Variants in FBXO42 observed in about 807,000 individuals in gnomAD.
The protein encoded by FBXO42 is F-box only protein 42.
A neutral mutation model predicts 71.7 loss-of-function variants in FBXO42; 12 were observed. That is an observed-to-expected ratio of 0.17 (90% CI 0.11 to 0.27). The LOEUF is 0.27. FBXO42 is among the 10% of genes least tolerant of loss of function. FBXO42 has a pLI of 1.00. For missense variants in FBXO42, 707 were observed against 911.9 expected (o/e 0.78, Z 2.89); for synonymous variants, 325 against 327.5 (o/e 0.99, Z 0.08).
rs1445591991 is a variant in FBXO42, at chr1:16,256,716, G to A, written c.546C>T (p.Tyr182=). The A allele has an allele frequency of 1.2e-6, 2 of 1,614,062 alleles. No individual in the cohort carries two copies. Among genetic ancestry groups the A allele is most frequent in the African/African-American group, 1.3e-5 (1 of 74,918 alleles). The part of the protein sequence containing the change: ...SPKAGATLVV[Y]KDLLVLFGGW... The stretch of plus-strand genomic sequence containing the variant: ...CACCAAACAGCACTAGCAAGTCCTT[G>A]TACACGACCAGAGTTGCTCCAGCTT... The change falls in exon 5 of 10, where the codon TAC becomes TAT. Residue 182 remains tyrosine (Y), a synonymous_variant. Transcript: ENST00000375592.
chr1:16,277,156 A>G (rs2081912375), intron 4 of FBXO42, among the ~76,000 whole-genome samples: 1 of 152,244 alleles, frequency 6.6e-6, no homozygotes, highest in Non-Finnish European at 1.5e-5. Context: ...TTAAGACAGA[A>G]TAGAAGCTAG....
chr1:16,307,102 G>A (rs1275393956), intron 2 of FBXO42, among the ~76,000 whole-genome samples: 2 of 151,966 alleles, frequency 1.3e-5, no homozygotes, highest in Non-Finnish European at 2.9e-5. Flanking sequence ...ACAGTGGCCA[G>A]GCTGGTCTCG....
At chr1:16,303,790 G>C (rs950762941) in intron 3 of FBXO42, among the ~76,000 whole-genome samples, 2 of 152,022 alleles carry the variant, frequency 1.3e-5, no homozygotes, top group South Asian at 2.1e-4. Flanking sequence ...CTGTCACCGA[G>C]GCTAGAGTGC....
chr1:16,274,780 C>T (rs1289943517), intron 4 of FBXO42, among the ~76,000 whole-genome samples: 4 of 151,380 alleles, frequency 2.6e-5, no homozygotes, highest in African/African-American at 9.7e-5. Context: ...TCAGTAGAGA[C>T]AGGGTTTCAT....
At position 16,251,453 on chromosome 1, in the gene FBXO42, G is replaced by A. The variant is rs61731119; in HGVS notation, c.1371C>T (p.Asp457=). 5.2e-3 allele frequency: 8,360 copies of A among 1,614,092 alleles called. 364 individuals carry two copies. In the African/African-American group the frequency reaches 0.093, roughly 18 times the overall value. The change falls in exon 10 of 10, where the codon GAC becomes GAT. Residue 457 remains aspartate (D), a synonymous_variant. Coordinates refer to ENST00000375592, the MANE Select transcript of FBXO42 (RefSeq NM_018994.3). This position sits in a 1 kb window ranked among gnomAD's most constrained non-coding sequence, Gnocchi z 4.5. ...TTGGAGATATGGCCTGTACAGGACTGTCCAAAGAAGAGCCACCCACAGCTG... is the reference window on the plus strand; with the variant it reads ...TTGGAGATATGGCCTGTACAGGACTATCCAAAGAAGAGCCACCCACAGCTG... ...GTAAVGGSSL[D]SPVQAISPST...
In FBXO42 at chr1:16,256,755, G is replaced by A; in HGVS notation, c.507C>T (p.Ser169=). The A allele has an allele frequency of 1.9e-6, 3 of 1,614,016 alleles. No homozygotes were observed. The highest frequency in any genetic ancestry group is 1.7e-6 in the Non-Finnish European group (2 of 1,179,956). ...TTGCTCCAGCTTTGGGGGAAGGATA[G>A]GACCCTAGGGAAAGTCAGTAACACC... ...KEWIRPLASG[S]YPSPKAGATL... The change falls in exon 5 of 10, where the codon TCC becomes TCT. Residue 169 remains serine, a synonymous_variant. Transcript: ENST00000375592.
chr1:16,281,472 G>GTTTT (rs376419524), intron 4 of FBXO42, among the ~76,000 whole-genome samples: 5 of 136,252 alleles, frequency 3.7e-5, no homozygotes, highest in Non-Finnish European at 6.3e-5. Context: ...TTCTTTTTTT[G>GTTTT]TTTTTTTTTT....
At chr1:16,298,673 C>A (rs2082157241) in intron 3 of FBXO42, among the ~76,000 whole-genome samples, 1 of 152,036 alleles carries the variant, frequency 6.6e-6, no homozygotes, top group African/African-American at 2.4e-5. Flanking sequence ...CCACGCCCAG[C>A]TAGTTTTTGT....
chr1:16,325,523 G>A (rs890643540), intron 1 of FBXO42, among the ~76,000 whole-genome samples: 5 of 152,204 alleles, frequency 3.3e-5, no homozygotes, highest in African/African-American at 1.2e-4. Flanking sequence ...TTTCATAACA[G>A]ATACCAGCTG....
chr1:16,349,153 T>C (rs116431727), intron 1 of FBXO42, among the ~76,000 whole-genome samples: 3,259 of 152,270 alleles, frequency 0.021, 61 homozygotes, highest in Non-Finnish European at 0.032. Context: ...ATGACAGAAT[T>C]TTTTTTCAAG....
At chr1:16,316,962 A>G (rs2082373047) in intron 1 of FBXO42, among the ~76,000 whole-genome samples, 1 of 152,050 alleles carries the variant, frequency 6.6e-6, no homozygotes, top group Non-Finnish European at 1.5e-5. Context: ...ATATAAATAA[A>G]TCTCTCAAAC....
intron 1 of FBXO42, among the ~76,000 whole-genome samples, chr1:16,320,753 G>A (rs929066926): frequency 1.3e-5 from 2 of 151,818 alleles, no homozygotes; most frequent in Non-Finnish European, 2.9e-5. Context: ...GTAGAAACAG[G>A]GTTTCACCAT....
In FBXO42 at chr1:16,247,061, G is replaced by A. The variant is rs2081541119; in HGVS notation, c.*3609C>T. 1 of 152,262 alleles carries A rather than the reference G, an allele frequency of 6.6e-6. No homozygotes were observed. The highest frequency in any genetic ancestry group is 2.4e-5 in the African/African-American group (1 of 41,444). 9.4% of individuals were successfully genotyped at this position (152,262 alleles called of 1,614,324 possible). A position where few individuals can be genotyped will look rare whatever the true frequency, so the allele number is the denominator to read the frequency against. Reference sequence around the variant, plus strand: ...CCAGCTTCGCCAGGGCACATGGGGTGTGCACTGACATGAACCCTGGTTGGA... The same window carrying A: ...CCAGCTTCGCCAGGGCACATGGGGTATGCACTGACATGAACCCTGGTTGGA... On this transcript the variant is annotated 3_prime_UTR_variant, in exon 10 of 10. Transcript: ENST00000375592.
intron 3 of FBXO42, among the ~76,000 whole-genome samples, chr1:16,300,470 T>C (rs1035914748): frequency 6.6e-6 from 1 of 152,226 alleles, no homozygotes; most frequent in African/African-American, 2.4e-5. Flanking sequence ...GTATGGAGCA[T>C]TCAATAAATG....
intron 4 of FBXO42, among the ~76,000 whole-genome samples, chr1:16,274,937 G>T (rs77087518): frequency 0.024 from 3,578 of 152,148 alleles, 142 homozygotes; most frequent in African/African-American, 0.081. Flanking sequence ...AAAAAGAATC[G>T]CTAATGTAAA....
chr1:16,350,607 C>A (rs1455159422), intron 1 of FBXO42, among the ~76,000 whole-genome samples: 2 of 143,466 alleles, frequency 1.4e-5, no homozygotes, highest in African/African-American at 2.6e-5. Flanking sequence ...AATTAGCGGG[C>A]GTGGTGGCGC....
intron 2 of FBXO42, among the ~76,000 whole-genome samples, chr1:16,306,428 AG>A (rs1455437707): frequency 6.6e-6 from 1 of 152,180 alleles, no homozygotes; most frequent in African/African-American, 2.4e-5. Context: ...AAGTTCATGG[AG>A]GTTAGGTGAC....
chr1:16,313,294 G>GAGAGAGAAAGAA (rs758117159), intron 2 of FBXO42, among the ~76,000 whole-genome samples: 5,745 of 145,220 alleles, frequency 0.04, 463 homozygotes, highest in African/African-American at 0.14. Flanking sequence ...AAAGAAGAAA[G>GAGAGAGAAAGAA]AGAGAGAAAG....
At chr1:16,270,214 A>C (rs2081824941) in intron 4 of FBXO42, among the ~76,000 whole-genome samples, 1 of 152,118 alleles carries the variant, frequency 6.6e-6, no homozygotes, top group South Asian at 2.1e-4. Context: ...TTAATCCAGG[A>C]ACGAATTAAT....
Sources: gnomAD v4.1 joint callset for allele counts (sites outside exome capture counted in the v4.1 genomes callset) on GRCh38, gnomAD v4.1.1 for gene constraint, Gnocchi (gnomAD v3.1) non-coding constraint, MANE v1.5 for transcripts, NCBI Gene and HGNC (gene_info 2026-07-23, HGNC 2026-07-21) for gene names.